The following MYLK variants were observed in gnomAD, a reference collection of about 807,000 sequenced individuals.
The protein encoded by MYLK is myosin light chain kinase, smooth muscle.
A neutral mutation model predicts 203.4 loss-of-function variants in MYLK; 106 were observed. The ratio of observed to expected loss-of-function variants is 0.52; its 90% CI spans 0.45 to 0.61. The LOEUF (loss-of-function observed/expected upper bound fraction) is 0.61. MYLK is among the 20% of genes least tolerant of loss of function. MYLK has a pLI of 0.00. For missense variants in MYLK, 2,072 were observed against 2,442.3 expected, an observed-to-expected ratio of 0.85 and a Z score of 3.20; for synonymous variants, 867 against 959.5, an observed-to-expected ratio of 0.90 and a Z score of 1.78.
intron 2 of MYLK, among the ~76,000 whole-genome samples, chr3:123,842,195 A>T (rs1025782566): frequency 6.6e-6 from 1 of 152,188 alleles, no homozygotes; most frequent in South Asian, 2.1e-4. Context: ...TAAATGAAAA[A>T]ATAAGTTAGG....
chr3:123,749,157 T>C (rs555702509), intron 5 of MYLK, among the ~76,000 whole-genome samples: 1 of 151,924 alleles, frequency 6.6e-6, no homozygotes, highest in East Asian at 1.9e-4. Flanking sequence ...TGCAGGCCTA[T>C]AGTCCCAGCT....
At chr3:123,714,456 C>G (rs1297841726) in intron 13 of MYLK, among the ~76,000 whole-genome samples, 12 of 152,188 alleles carry the variant, frequency 7.9e-5, no homozygotes, top group Non-Finnish European at 2.9e-5. Flanking sequence ...GGACCAGGGT[C>G]TGAGGCAAGA....
At chr3:123,688,334 GC>G (rs2060537242) in intron 19 of MYLK, among the ~76,000 whole-genome samples, 1 of 151,920 alleles carries the variant, frequency 6.6e-6, no homozygotes, top group African/African-American at 2.4e-5. Flanking sequence ...TCTTGATCGT[GC>G]CCCCCAGCCC....
chr3:123,701,237 CA>C (rs35577296), intron 17 of MYLK, among the ~76,000 whole-genome samples, 200 bp downstream of exon 17: 5,348 of 116,214 alleles, frequency 0.046, 370 homozygotes, highest in African/African-American at 0.17. Context: ...AGGGTGTGTG[CA>C]AAAAAAAAAA....
intron 4 of MYLK, among the ~76,000 whole-genome samples, chr3:123,777,671 T>C (rs1192722545): frequency 3.3e-5 from 5 of 152,196 alleles, no homozygotes; most frequent in Middle Eastern, 3.4e-3. Context: ...GGGCTGAGGG[T>C]GTGGAGCAGA....
intron 19 of MYLK, among the ~76,000 whole-genome samples, chr3:123,690,538 C>T (rs1289749506): frequency 6.6e-6 from 1 of 152,104 alleles, no homozygotes; most frequent in Admixed American, 6.6e-5. Flanking sequence ...GGGTGGAGCA[C>T]CAGACGATAG....
intron 24 of MYLK, among the ~76,000 whole-genome samples, chr3:123,653,826 G>A (rs970263832): frequency 3.9e-5 from 6 of 152,160 alleles, no homozygotes; most frequent in Non-Finnish European, 8.8e-5. Flanking sequence ...CACAGACCTG[G>A]ATGATTTCCT....
At chr3:123,753,926 C>T (rs768805596) in intron 4 of MYLK, among the ~76,000 whole-genome samples, 1 of 152,164 alleles carries the variant, frequency 6.6e-6, no homozygotes, top group Non-Finnish European at 1.5e-5. Flanking sequence ...CACTGAATGA[C>T]CCCCAAATTG....
At chr3:123,826,763 C>T (rs898869970) in intron 3 of MYLK, among the ~76,000 whole-genome samples, 2 of 152,166 alleles carry the variant, frequency 1.3e-5, no homozygotes, top group African/African-American at 4.8e-5. Context: ...CCACTGTCAC[C>T]ACAAACTCTT....
intron 29 of MYLK, among the ~76,000 whole-genome samples, chr3:123,634,187 G>A (rs1022111700): frequency 6.6e-6 from 1 of 152,220 alleles, no homozygotes; most frequent in African/African-American, 2.4e-5. Flanking sequence ...TGGACTGGCC[G>A]AGGAAGCAGC....
intron 11 of MYLK, among the ~76,000 whole-genome samples, 178 bp from the exon 12 acceptor site, chr3:123,726,256 G>A (rs1037299105): frequency 2.0e-5 from 3 of 152,164 alleles, no homozygotes; most frequent in African/African-American, 7.2e-5. Context: ...GTGATGTAGG[G>A]ACATGGAGCC....
chr3:123,811,252 C>A (rs2065550313), intron 3 of MYLK, among the ~76,000 whole-genome samples: 1 of 152,106 alleles, frequency 6.6e-6, no homozygotes, highest in African/African-American at 2.4e-5. Flanking sequence ...TGAGGGAGCC[C>A]TTCCACACAG....
chr3:123,619,931 A>G (rs754316625), intron 32 of MYLK, among the ~76,000 whole-genome samples: 5 of 152,224 alleles, frequency 3.3e-5, no homozygotes, highest in Non-Finnish European at 4.4e-5. Flanking sequence ...GTTAATTTTA[A>G]CACAAAATAT....
intron 3 of MYLK, among the ~76,000 whole-genome samples, chr3:123,829,358 T>C (rs1418297323): frequency 1.3e-5 from 2 of 152,128 alleles, no homozygotes; most frequent in Non-Finnish European, 2.9e-5. Context: ...TTAGACATGG[T>C]GTGTTCTCAT....
Position 123,862,829 on chromosome 3 carries a change from G to A in MYLK, c.-127+13730C>T, listed in dbSNP as rs117628897. On this transcript the variant is annotated intron_variant, in intron 2 of 33. Transcript: ENST00000360304. Reference sequence around the variant, plus strand: ...CCTACTTGTTCTTCCAAGTTTTTCCGTCTTTTTTCTATCTTCTCCCCACTG... The same window carrying A: ...CCTACTTGTTCTTCCAAGTTTTTCCATCTTTTTTCTATCTTCTCCCCACTG... 7.2e-4 allele frequency among the ~76,000 whole-genome samples: 110 copies of A among 152,002 alleles called. No individual in the cohort carries two copies. In the Middle Eastern group the frequency reaches 0.01, roughly 14 times the overall value.
rs1301750601 is a variant in MYLK, at chr3:123,611,204, C to T, written c.*2901G>A. ...AGAATCAGAGAATTATCTAGCCCTACATTTAACAGCATGTCTTAAACTCTT... is the reference window on the plus strand; with the variant it reads ...AGAATCAGAGAATTATCTAGCCCTATATTTAACAGCATGTCTTAAACTCTT... On this transcript the variant is annotated 3_prime_UTR_variant, in exon 34 of 34. Coordinates refer to ENST00000360304, the MANE Select transcript of MYLK (RefSeq NM_053025.4). 1 of 152,190 alleles carries T rather than the reference C, an allele frequency of 6.6e-6. No homozygotes were observed. Among genetic ancestry groups the T allele is most frequent in the Non-Finnish European group, 1.5e-5 (1 of 68,034 alleles). 9.4% of individuals were successfully genotyped at this position (152,190 alleles called of 1,614,324 possible). A position where few individuals can be genotyped will look rare whatever the true frequency, so the allele number is the denominator to read the frequency against.
At chr3:123,775,995 T>C (rs915455703) in intron 4 of MYLK, among the ~76,000 whole-genome samples, 19 of 152,212 alleles carry the variant, frequency 1.2e-4, no homozygotes, top group Admixed American at 6.5e-5. Context: ...CTGAGTCTGC[T>C]TGCTGTTCTC....
At chr3:123,855,938 T>C (rs6769983) in intron 2 of MYLK, among the ~76,000 whole-genome samples, 2,665 of 152,256 alleles carry the variant, frequency 0.018, 78 homozygotes, top group African/African-American at 0.059. Context: ...AAGACTAATA[T>C]AATCTTTTCC....
intron 5 of MYLK, among the ~76,000 whole-genome samples, chr3:123,743,160 G>GA (rs201368705): frequency 0.036 from 5,457 of 152,202 alleles, 147 homozygotes; most frequent in Non-Finnish European, 0.053. Context: ...AAAAAAATTA[G>GA]ACTGAGCATT....
Sources: allele counts gnomAD v4.1 joint callset (sites outside exome capture counted in the v4.1 genomes callset), GRCh38; gene constraint gnomAD v4.1.1; transcripts MANE v1.5; gene names NCBI Gene and HGNC (gene_info 2026-07-23, HGNC 2026-07-21).